DOK6: variants seen among roughly 807,000 people sequenced by gnomAD.
DOK6 encodes downstream of tyrosine kinase 6.
Under a neutral mutation model 44.0 loss-of-function variants are expected in DOK6, and 22 were observed. That is an observed-to-expected ratio of 0.50 (90% confidence interval 0.36 to 0.71). The LOEUF (loss-of-function observed/expected upper bound fraction) is 0.71. Among genes scored for constraint, DOK6 ranks in the 30% least tolerant of loss-of-function variants. DOK6 has a pLI of 0.00. For synonymous variants in DOK6, 166 were observed against 145.5 expected, an observed-to-expected ratio of 1.14 and a Z score of -1.01; for missense variants, 340 against 416.4, an observed-to-expected ratio of 0.82 and a Z score of 1.60.
rs555508244 is a variant in DOK6 at position 69,780,649 on chromosome 18, T to G, written c.856+22776T>G. 2.0e-4 allele frequency among the ~76,000 whole-genome samples: 30 copies of G among 152,328 alleles called. No individual in the cohort carries two copies. The South Asian group carries it at 6.2e-3, about 32-fold the overall frequency. Reference sequence around the variant, plus strand: ...CATTGAACATTATGTTTCAGTAATATAGTATATAAAGCTTTCATGGACACA... The same window carrying G: ...CATTGAACATTATGTTTCAGTAATAGAGTATATAAAGCTTTCATGGACACA... On this transcript the variant is annotated intron_variant, in intron 7 of 7. Coordinates refer to ENST00000382713, the MANE Select transcript of DOK6 (RefSeq NM_152721.6).
Position 69,843,043 on chromosome 18 carries a change from C to T in DOK6, c.*1660C>T, listed in dbSNP as rs1331798327. 1.3e-5 allele frequency: 2 copies of T among 152,004 alleles called. No homozygotes were observed. Among genetic ancestry groups the T allele is most frequent in the South Asian group, 2.1e-4 (1 of 4,824 alleles). 9.4% of individuals were successfully genotyped at this position (152,004 alleles called of 1,614,324 possible). On this transcript the variant is annotated 3_prime_UTR_variant, in exon 8 of 8. Coordinates refer to ENST00000382713, the MANE Select transcript of DOK6 (RefSeq NM_152721.6). Reference sequence around the variant, plus strand: ...ACAATTCATTTCAGTGAATTACTACCGAATAAAAGTGGTTCCGGATCCCTC... The same window carrying T: ...ACAATTCATTTCAGTGAATTACTACTGAATAAAAGTGGTTCCGGATCCCTC...
intron 1 of DOK6, among the ~76,000 whole-genome samples, chr18:69,515,892 A>T (rs568785541): frequency 8.5e-6 from 1 of 117,736 alleles, no homozygotes; most frequent in East Asian, 2.2e-4. Flanking sequence ...AAGCATGCAA[A>T]CAGATCTGAA....
At chr18:69,785,676 C>T (rs1009529289) in intron 7 of DOK6, among the ~76,000 whole-genome samples, 3 of 152,126 alleles carry the variant, frequency 2.0e-5, no homozygotes, top group African/African-American at 7.2e-5. Flanking sequence ...GAAACTCAGT[C>T]ACTGCCTTTT....
intron 1 of DOK6, among the ~76,000 whole-genome samples, chr18:69,462,306 C>T (rs533348699): frequency 6.6e-6 from 1 of 152,228 alleles, no homozygotes; most frequent in African/African-American, 2.4e-5. Context: ...TATTCACTAA[C>T]CACTGATTAA....
intron 2 of DOK6, among the ~76,000 whole-genome samples, chr18:69,592,625 C>A (rs937028087): frequency 1.3e-5 from 2 of 152,092 alleles, no homozygotes; most frequent in Non-Finnish European, 2.9e-5. Flanking sequence ...TGGATGTGAA[C>A]AACCTGAATT....
chr18:69,747,047 AT>A (rs1245032321), intron 6 of DOK6, among the ~76,000 whole-genome samples: 4 of 152,328 alleles, frequency 2.6e-5, no homozygotes, highest in African/African-American at 7.2e-5. Flanking sequence ...AAATTATATT[AT>A]CCCTCTGTAC....
At chr18:69,437,610 T>G (rs1400686725) in intron 1 of DOK6, among the ~76,000 whole-genome samples, 1 of 152,200 alleles carries the variant, frequency 6.6e-6, no homozygotes, top group Non-Finnish European at 1.5e-5. Context: ...GTGTGATGCC[T>G]CCAGCTTTGT....
At chr18:69,477,331 A>T (rs1980295033) in intron 1 of DOK6, among the ~76,000 whole-genome samples, 1 of 152,236 alleles carries the variant, frequency 6.6e-6, no homozygotes, top group African/African-American at 2.4e-5. Flanking sequence ...CTACAGTGGT[A>T]GTAGGGTGTA....
chr18:69,485,469 T>C (rs953852641), intron 1 of DOK6, among the ~76,000 whole-genome samples: 2 of 152,118 alleles, frequency 1.3e-5, no homozygotes, highest in African/African-American at 4.8e-5. Context: ...CTCTGTCCCG[T>C]GGATGCAGAA....
chr18:69,520,459 T>C (rs1416264254), intron 1 of DOK6, among the ~76,000 whole-genome samples: 6 of 151,876 alleles, frequency 4.0e-5, no homozygotes, highest in African/African-American at 1.4e-4. Context: ...TTAGATGTTT[T>C]CTGCTGCTCT....
intron 7 of DOK6, among the ~76,000 whole-genome samples, chr18:69,801,731 T>A (rs1381936183): frequency 6.6e-6 from 1 of 152,202 alleles, no homozygotes; most frequent in African/African-American, 2.4e-5. Flanking sequence ...ACTGATGTTT[T>A]AATTACCAAA....
intron 6 of DOK6, among the ~76,000 whole-genome samples, chr18:69,755,429 A>T (rs1979324146): frequency 6.6e-6 from 1 of 152,252 alleles, no homozygotes. Flanking sequence ...ACATTAGAAA[A>T]AGGAATAAAG....
intron 5 of DOK6, among the ~76,000 whole-genome samples, chr18:69,717,130 A>T (rs1026664553): frequency 6.6e-6 from 1 of 152,204 alleles, no homozygotes; most frequent in Admixed American, 6.5e-5. Flanking sequence ...TGGTCTAAAG[A>T]ATAATTCTGT....
At chr18:69,722,249 A>G (rs1487503001) in intron 5 of DOK6, among the ~76,000 whole-genome samples, 1 of 152,220 alleles carries the variant, frequency 6.6e-6, no homozygotes, top group Non-Finnish European at 1.5e-5. Flanking sequence ...TTTAGTTCAT[A>G]TTTATAAGAG....
chr18:69,600,808 T>C (rs1983855169), intron 3 of DOK6, among the ~76,000 whole-genome samples: 1 of 152,200 alleles, frequency 6.6e-6, no homozygotes, highest in South Asian at 2.1e-4. Context: ...TAAAGAATGA[T>C]ATTTGGTTAT....
intron 4 of DOK6, among the ~76,000 whole-genome samples, chr18:69,691,260 C>G (rs890437360): frequency 1.3e-5 from 2 of 151,806 alleles, no homozygotes; most frequent in African/African-American, 4.8e-5. Flanking sequence ...CTTGTTGTCT[C>G]TGTATTGTGG....
At chr18:69,619,182 C>T (rs1423802770) in intron 3 of DOK6, among the ~76,000 whole-genome samples, 1 of 152,180 alleles carries the variant, frequency 6.6e-6, no homozygotes, top group African/African-American at 2.4e-5. Context: ...CCCAGAAGAA[C>T]GTGGAACGCA....
chr18:69,817,234 T>C (rs929547152), intron 7 of DOK6, among the ~76,000 whole-genome samples: 12 of 152,318 alleles, frequency 7.9e-5, no homozygotes, highest in African/African-American at 2.9e-4. Flanking sequence ...TCATTTGTGA[T>C]CAGTACCGTT....
At chr18:69,746,630 A>G (rs1277595527) in intron 6 of DOK6, among the ~76,000 whole-genome samples, 3 of 152,240 alleles carry the variant, frequency 2.0e-5, no homozygotes, top group Admixed American at 1.3e-4. Flanking sequence ...GTTCAATTAA[A>G]TGACATCTAG....
Sources: gnomAD v4.1 joint callset for allele counts (sites outside exome capture counted in the v4.1 genomes callset) on GRCh38, gnomAD v4.1.1 for gene constraint, MANE v1.5 for transcripts, NCBI Gene and HGNC (gene_info 2026-07-23, HGNC 2026-07-21) for gene names.